Variants in ROR1 observed in about 807,000 individuals in gnomAD.
The protein encoded by ROR1 is inactive tyrosine-protein kinase transmembrane receptor ROR1.
In ROR1, 19 loss-of-function variants were observed where a neutral mutation model predicts 78.8. That is an observed-to-expected ratio of 0.24 (90% CI 0.17 to 0.35). The LOEUF is 0.35. Ranked by LOEUF, ROR1 falls within the 10% of genes least tolerant of loss-of-function variation. The pLI, the probability that ROR1 is intolerant of heterozygous loss-of-function variation, is 1.00. For missense variants in ROR1, 917 were observed against 1,177.8 expected (o/e 0.78, Z 3.24); for synonymous variants, 386 against 433.6 (o/e 0.89, Z 1.36).
chr1:64,065,272 C>T (rs1367810929), intron 4 of ROR1, among the ~76,000 whole-genome samples: 1 of 152,186 alleles, frequency 6.6e-6, no homozygotes, highest in African/African-American at 2.4e-5. Context: ...GATTTGAGCC[C>T]ATGCAGGTGG....
intron 1 of ROR1, among the ~76,000 whole-genome samples, chr1:63,914,284 A>T (rs995302914): frequency 1.3e-5 from 2 of 152,122 alleles, no homozygotes; most frequent in Non-Finnish European, 1.5e-5. Flanking sequence ...TCAAGTACAG[A>T]CCCGCAGGGT....
At chr1:64,008,285 G>T (rs2100541738) in intron 1 of ROR1, among the ~76,000 whole-genome samples, 1 of 152,252 alleles carries the variant, frequency 6.6e-6, no homozygotes, top group Non-Finnish European at 1.5e-5. Flanking sequence ...TTGCTACAAA[G>T]GACATGATTT....
chr1:63,898,520 A>G (rs984072931), intron 1 of ROR1, among the ~76,000 whole-genome samples: 1 of 151,862 alleles, frequency 6.6e-6, no homozygotes, highest in African/African-American at 2.4e-5. Flanking sequence ...AAGGGAAAGA[A>G]AAAGAAGAGA....
chr1:63,912,329 T>C (rs1645578072), intron 1 of ROR1, among the ~76,000 whole-genome samples: 1 of 149,842 alleles, frequency 6.7e-6, no homozygotes, highest in Non-Finnish European at 1.5e-5. Flanking sequence ...ACAGAAGACA[T>C]GGTCCTGATC....
chr1:63,874,610 TA>T (rs1315758522), intron 1 of ROR1, among the ~76,000 whole-genome samples: 1 of 152,164 alleles, frequency 6.6e-6, no homozygotes, highest in East Asian at 1.9e-4. Flanking sequence ...GTTATTAAGC[TA>T]GGGAGCATTT....
chr1:63,916,266 A>G (rs887968671), intron 1 of ROR1, among the ~76,000 whole-genome samples: 7 of 152,222 alleles, frequency 4.6e-5, no homozygotes, highest in Non-Finnish European at 8.8e-5. Flanking sequence ...GCAAGAGGAT[A>G]CAAAGAGCAT....
chr1:63,823,682 G>A (rs1384106746), intron 1 of ROR1, among the ~76,000 whole-genome samples: 7 of 151,918 alleles, frequency 4.6e-5, no homozygotes, highest in Admixed American at 4.6e-4. Context: ...TGAACTCCTG[G>A]CTTCAAGGAA....
At chr1:63,875,565 A>T (rs563934599) in intron 1 of ROR1, among the ~76,000 whole-genome samples, 1 of 152,296 alleles carries the variant, frequency 6.6e-6, no homozygotes, top group Admixed American at 6.5e-5. Context: ...TTTACCTGGT[A>T]TGCCATGTTT....
chr1:64,031,634 C>T (rs1384430170), intron 2 of ROR1, among the ~76,000 whole-genome samples: 1 of 152,194 alleles, frequency 6.6e-6, no homozygotes, highest in African/African-American at 2.4e-5. Flanking sequence ...AAATACATAA[C>T]CCTTTTTGTC....
chr1:63,943,097 A>T (rs1366258295), intron 1 of ROR1, among the ~76,000 whole-genome samples: 3 of 25,884 alleles, frequency 1.2e-4, no homozygotes, highest in Non-Finnish European at 1.0e-3. Context: ...TGTCTTTAAA[A>T]AAAAAAAAAA....
In ROR1 at chr1:63,786,311, C is replaced by T. The variant is rs967164559; in HGVS notation, c.91+11803C>T. On this transcript the variant is annotated intron_variant, in intron 1 of 8. Coordinates refer to ENST00000371079, the MANE Select transcript of ROR1 (RefSeq NM_005012.4). ...TTTTTGAGACAGAGTCTCGCTCTGT[C>T]GCCCAGGCTGGAGTGCAGTGGCACA... 3.5e-5 allele frequency among the ~76,000 whole-genome samples: 4 copies of T among 115,398 alleles called. No individual in the cohort carries two copies. In the Admixed American group the frequency reaches 5.3e-4, roughly 15 times the overall value. The allele number at this position is 115,398 out of a possible 152,430, so 75.7% of individuals were successfully genotyped here.
At chr1:64,163,557 C>T (rs1453198632) in intron 8 of ROR1, among the ~76,000 whole-genome samples, 2 of 152,126 alleles carry the variant, frequency 1.3e-5, no homozygotes, top group East Asian at 1.9e-4. Flanking sequence ...TAAGGAACAT[C>T]GCAGGGGAAA....
At chr1:64,134,736 G>A (rs114094323) in intron 4 of ROR1, among the ~76,000 whole-genome samples, 1,580 of 149,008 alleles carry the variant, frequency 0.011, 23 homozygotes, top group African/African-American at 0.037. Context: ...TTCTCAAGGA[G>A]ATTCTTTCAT....
At chr1:63,797,586 G>T (rs916085137) in intron 1 of ROR1, among the ~76,000 whole-genome samples, 3 of 152,222 alleles carry the variant, frequency 2.0e-5, no homozygotes, top group African/African-American at 7.2e-5. Context: ...GGGTTTATTT[G>T]TTCTGGTCTT....
intron 1 of ROR1, among the ~76,000 whole-genome samples, chr1:63,948,468 A>G (rs1645908488): frequency 6.6e-6 from 1 of 152,108 alleles, no homozygotes; most frequent in African/African-American, 2.4e-5. Flanking sequence ...TGATACTTCC[A>G]GAGGGTATAA....
At chr1:63,918,266 C>T (rs1338516850) in intron 1 of ROR1, among the ~76,000 whole-genome samples, 1 of 152,338 alleles carries the variant, frequency 6.6e-6, no homozygotes, top group East Asian at 1.9e-4. Flanking sequence ...CTATATTCCA[C>T]CCAGCACGAC....
rs545865972 is a variant in ROR1, at chr1:64,177,656, C to G, written c.1615C>G (p.Leu539Val). Residue 539 changes from leucine (L) to valine (V), a missense_variant, in exon 9 of 9, where the codon CTA (leucine) becomes GTA (valine). Physicochemically the swap from Leu to Val is conservative, Grantham distance 32. Coordinates refer to ENST00000371079, the MANE Select transcript of ROR1 (RefSeq NM_005012.4). ...GCACCACCCCAATATTGTCTGCCTT[C>G]TAGGTGCCGTCACTCAGGAACAACC... ...ELHHPNIVCL[L>V]GAVTQEQPVC... 1.2e-6 allele frequency: 2 copies of G among 1,614,192 alleles called. No homozygotes were observed. Among genetic ancestry groups the G allele is most frequent in the Non-Finnish European group, 1.7e-6 (2 of 1,180,034 alleles).
At chr1:64,070,639 C>T (rs1032087673) in intron 4 of ROR1, among the ~76,000 whole-genome samples, 2 of 152,096 alleles carry the variant, frequency 1.3e-5, no homozygotes, top group African/African-American at 4.8e-5. Context: ...GTTTTTTCAT[C>T]TGCAAAATGG....
intron 1 of ROR1, among the ~76,000 whole-genome samples, chr1:63,827,520 A>G (rs760958163): frequency 2.0e-5 from 3 of 152,130 alleles, no homozygotes; most frequent in Admixed American, 6.6e-5. Context: ...AATGCTGACA[A>G]GGGGTTGGAT....
Sources: gnomAD v4.1 joint callset for allele counts (sites outside exome capture counted in the v4.1 genomes callset) on GRCh38, gnomAD v4.1.1 for gene constraint, MANE v1.5 for transcripts, NCBI Gene and HGNC (gene_info 2026-07-23, HGNC 2026-07-21) for gene names.